Variants in INPP5B observed in about 807,000 individuals in gnomAD.
INPP5B encodes inositol polyphosphate-5-phosphatase B.
INPP5B carries 90 observed loss-of-function variants against 118.5 expected under a neutral mutation model. That is an observed-to-expected ratio of 0.76 (90% CI 0.64 to 0.90). The LOEUF is 0.90. Ranked by LOEUF, INPP5B falls within the 40% of genes least tolerant of loss-of-function variation. The pLI is 0.00. For missense variants in INPP5B, 984 were observed against 1,125.6 expected (o/e 0.87, Z 1.80); for synonymous variants, 385 against 418.9 (o/e 0.92, Z 0.99).
At chr1:37,901,792 T>G (rs913611298) in intron 7 of INPP5B, among the ~76,000 whole-genome samples, 1 of 152,046 alleles carries the variant, frequency 6.6e-6, no homozygotes, top group Non-Finnish European at 1.5e-5. Context: ...CTTGACCAGA[T>G]TTGCCATTAC....
At chr1:37,937,964 G>A (rs775751158) in intron 6 of INPP5B, among the ~76,000 whole-genome samples, 1 of 130,976 alleles carries the variant, frequency 7.6e-6, no homozygotes, top group Non-Finnish European at 1.6e-5. Context: ...AAGAGTGAAA[G>A]TTGGTCTCAA....
chr1:37,901,607 G>C (rs1463083438), intron 7 of INPP5B, among the ~76,000 whole-genome samples: 1 of 152,150 alleles, frequency 6.6e-6, no homozygotes, highest in Admixed American at 6.6e-5. Context: ...GCATCTTGTC[G>C]ATGTCTTCTC....
chr1:37,864,165 C>T (rs909448101), intron 23 of INPP5B, 147 bp downstream of exon 23: 23 of 582,854 alleles, frequency 3.9e-5, no homozygotes, highest in South Asian at 3.4e-4. Context: ...AGTGTCCAAA[C>T]GCAAAACTTT....
At chr1:37,906,685 A>G (rs531492538) in intron 7 of INPP5B, among the ~76,000 whole-genome samples, 1 of 151,970 alleles carries the variant, frequency 6.6e-6, no homozygotes, top group East Asian at 1.9e-4. Flanking sequence ...GTGAAACCTC[A>G]TCTCTATTAA....
chr1:37,889,230 T>C (rs1374600579), intron 9 of INPP5B, among the ~76,000 whole-genome samples: 1 of 152,144 alleles, frequency 6.6e-6, no homozygotes, highest in Admixed American at 6.5e-5. Flanking sequence ...AAGCGAGACC[T>C]TGTCTCAAAA....
intron 6 of INPP5B, among the ~76,000 whole-genome samples, chr1:37,939,673 G>A (rs1645843039): frequency 6.6e-6 from 1 of 151,274 alleles, no homozygotes; most frequent in Non-Finnish European, 1.5e-5. Flanking sequence ...TCGATCTCCT[G>A]ACCTGGTGAT....
At chr1:37,924,790 A>C (rs12752421) in intron 7 of INPP5B, among the ~76,000 whole-genome samples, 89,487 of 151,838 alleles carry the variant, frequency 0.59, 28,264 homozygotes, top group Non-Finnish European at 0.71. Flanking sequence ...TAATGCCAGC[A>C]CTTTGGGAGG....
intron 22 of INPP5B, 121 bp from the exon 23 acceptor site, chr1:37,864,544 G>C (rs1557612228): frequency 3.5e-6 from 2 of 572,308 alleles, no homozygotes; most frequent in South Asian, 5.1e-5. Context: ...ACAGAAAACT[G>C]GTTGCTTACC....
rs925303911 is a variant in INPP5B at position 37,883,049 on chromosome 1, G to A, written c.1320-131C>T. The A allele has an allele frequency of 1.3e-5, 19 of 1,441,364 alleles. No homozygotes were observed. In the Admixed American group the frequency reaches 1.8e-4, roughly 13 times the overall value. 89.3% of individuals were successfully genotyped at this position (1,441,364 alleles called of 1,614,324 possible). On this transcript the variant is annotated intron_variant, in intron 13 of 23. Transcript: ENST00000373024. ...GGGTGGGAAAATGGCTCAACTGTTC[G>A]GAAAATTTTTTTCTCTCGCCATCCC...
In INPP5B at chr1:37,873,990, T is replaced by A; in HGVS notation, c.1951+3A>T. On this transcript the variant is annotated splice_donor_region_variant and intron_variant, in intron 18 of 23. Transcript: ENST00000373024. ...ACCAGGAAGCTAGGAACAGAGGCCT[T>A]ACCTGGCAGGAGGAAGCCTCTGCTG... 1 of 1,561,374 alleles carries A rather than the reference T, an allele frequency of 6.4e-7. No individual in the cohort carries two copies. The highest frequency in any genetic ancestry group is 1.2e-5 in the South Asian group (1 of 85,872).
At chr1:37,876,836 C>T (rs918593989) in intron 16 of INPP5B, among the ~76,000 whole-genome samples, 7 of 150,976 alleles carry the variant, frequency 4.6e-5, no homozygotes, top group East Asian at 2.0e-4. Flanking sequence ...GCCGAGATGG[C>T]GCCACTGCAC....
chr1:37,935,796 G>A lies in INPP5B; in HGVS notation c.392-3743C>T, dbSNP rs532843311. ...AATTCCTTAATGGCGGCCGGGCGCG[G>A]TGGCTCACGCCTGTAATCCCAGCAC... On this transcript the variant is annotated intron_variant, in intron 6 of 23. Transcript: ENST00000373024. Among the ~76,000 whole-genome samples the A allele has an allele frequency of 2.0e-5, 3 of 151,946 alleles. No homozygotes were observed. The South Asian group carries it at 6.2e-4, about 32-fold the overall frequency.
Position 37,931,725 on chromosome 1 carries a change from T to C in INPP5B, c.532+188A>G, listed in dbSNP as rs758978060. The C allele has an allele frequency of 1.3e-5, 20 of 1,566,644 alleles. No homozygotes were observed. In the African/African-American group the frequency reaches 2.0e-4, roughly 16 times the overall value. ...CGGCGGCAGACATTTCCCTGCCTGC[T>C]TCCTCAAGCTCCTCATCCCGCCGCC... On this transcript the variant is annotated intron_variant, in intron 7 of 23. Coordinates refer to ENST00000373024, the MANE Select transcript of INPP5B (RefSeq NM_005540.3).
At chr1:37,908,250 CCT>C (rs553871965) in intron 7 of INPP5B, among the ~76,000 whole-genome samples, 65 of 152,280 alleles carry the variant, frequency 4.3e-4, no homozygotes, top group African/African-American at 1.5e-3. Flanking sequence ...AGACCAGTCC[CCT>C]GTCTTCGCCC....
chr1:37,904,659 C>T (rs1644445390), intron 7 of INPP5B, among the ~76,000 whole-genome samples: 1 of 152,110 alleles, frequency 6.6e-6, no homozygotes, highest in Non-Finnish European at 1.5e-5. Context: ...GGGCGGATCA[C>T]CTGAGGTTGG....
At chr1:37,939,694 T>G (rs1015107211) in intron 6 of INPP5B, among the ~76,000 whole-genome samples, 3 of 151,728 alleles carry the variant, frequency 2.0e-5, no homozygotes, top group South Asian at 2.1e-4. Context: ...CCACCCGCCT[T>G]GGCCTCCCAA....
chr1:37,880,314 G>C, intron 14 of INPP5B, 120 bp from the exon 15 acceptor site: 1 of 695,664 alleles, frequency 1.4e-6, no homozygotes, highest in Admixed American at 2.6e-5. Flanking sequence ...AGCCCCAAAA[G>C]AAAGTTATTC....
At chr1:37,866,138 C>T (rs115399195) in intron 21 of INPP5B, among the ~76,000 whole-genome samples, 262 of 152,166 alleles carry the variant, frequency 1.7e-3, no homozygotes, top group African/African-American at 2.4e-3. Flanking sequence ...CCTGCCTCTA[C>T]GAAAAGTTCA....
chr1:37,933,898 A>T (rs1371295464), intron 6 of INPP5B, among the ~76,000 whole-genome samples: 7 of 136,800 alleles, frequency 5.1e-5, no homozygotes, highest in Middle Eastern at 3.8e-3. Flanking sequence ...TTCAATTTTT[A>T]TTTTATTTAT....
Sources: allele counts gnomAD v4.1 joint callset (sites outside exome capture counted in the v4.1 genomes callset), GRCh38; gene constraint gnomAD v4.1.1; transcripts MANE v1.5; gene names NCBI Gene and HGNC (gene_info 2026-07-23, HGNC 2026-07-21).